Variants in SLC1A4 observed in about 807,000 individuals in gnomAD.
The protein encoded by SLC1A4 is neutral amino acid transporter A.
SLC1A4 carries 19 observed loss-of-function variants against 37.7 expected under a neutral mutation model. The ratio of observed to expected loss-of-function variants is 0.50; its 90% CI spans 0.35 to 0.74. The LOEUF (loss-of-function observed/expected upper bound fraction) is 0.74, where lower values mean the gene tolerates loss of function less well. Among genes scored for constraint, SLC1A4 ranks in the 30% least tolerant of loss-of-function variants. SLC1A4 has a pLI of 0.01. For synonymous variants in SLC1A4, 299 were observed against 309.8 expected, an observed-to-expected ratio of 0.97 and a Z score of 0.37; for missense variants, 570 against 712.9, an observed-to-expected ratio of 0.80 and a Z score of 2.28.
In SLC1A4 at chr2:65,022,685, A is replaced by T. The variant is rs570983285; in HGVS notation, c.*1539A>T. On this transcript the variant is annotated 3_prime_UTR_variant, in exon 8 of 8. Coordinates refer to ENST00000234256, the MANE Select transcript of SLC1A4 (RefSeq NM_003038.5). ...TGTGTGTAGTTACTTGACAGCATCA[A>T]ATGCCGCCTCTTCCTAATGTCCTTC... The T allele has an allele frequency of 1.8e-4, 28 of 152,260 alleles. No individual in the cohort carries two copies. The highest frequency in any genetic ancestry group is 6.7e-4 in the African/African-American group (28 of 41,514). 9.4% of individuals were successfully genotyped at this position (152,260 alleles called of 1,614,324 possible). A position where few individuals can be genotyped will look rare whatever the true frequency, so the allele number is the denominator to read the frequency against.
intron 1 of SLC1A4, among the ~76,000 whole-genome samples, chr2:64,996,551 C>G (rs995948978): frequency 3.3e-5 from 5 of 152,188 alleles, no homozygotes; most frequent in Non-Finnish European, 7.3e-5. Flanking sequence ...TTTCAGTACT[C>G]TACATCTGGG....
intron 1 of SLC1A4, among the ~76,000 whole-genome samples, chr2:64,991,747 C>T (rs957410244): frequency 2.6e-5 from 4 of 152,112 alleles, no homozygotes; most frequent in Non-Finnish European, 5.9e-5. Flanking sequence ...ATTACAGGCG[C>T]GTGCCACCAC....
At chr2:65,019,593 A>G (rs10197339) in intron 7 of SLC1A4, among the ~76,000 whole-genome samples, 30,482 of 152,210 alleles carry the variant, frequency 0.2, 4,265 homozygotes, top group African/African-American at 0.4. Flanking sequence ...CACTGGGCTC[A>G]CGGACTGGCC....
At chr2:64,995,902 G>GA (rs1298541979) in intron 1 of SLC1A4, among the ~76,000 whole-genome samples, 2 of 152,222 alleles carry the variant, frequency 1.3e-5, no homozygotes, top group Non-Finnish European at 2.9e-5. Flanking sequence ...AGATGTTACA[G>GA]AACGTTTTTG....
At position 65,023,189 on chromosome 2, in the gene SLC1A4, G is replaced by A. The variant is rs1674495501; in HGVS notation, c.*2043G>A. ...TGCTGATACTCTTCTGTTTTCAAGGGAAACAATCACATTGTTTGATTCCAA... is the reference window on the plus strand; with the variant it reads ...TGCTGATACTCTTCTGTTTTCAAGGAAAACAATCACATTGTTTGATTCCAA... On this transcript the variant is annotated 3_prime_UTR_variant, in exon 8 of 8. Transcript: ENST00000234256. 6.6e-6 allele frequency: 1 copy of A among 152,228 alleles called. No individual in the cohort carries two copies. Among genetic ancestry groups the A allele is most frequent in the African/African-American group, 2.4e-5 (1 of 41,460 alleles). The allele number at this position is 152,228 out of a possible 1,614,324, so 9.4% of individuals were successfully genotyped here. A position where few individuals can be genotyped will look rare whatever the true frequency, so the allele number is the denominator to read the frequency against.
chr2:65,017,745 T>C (rs1674213067), intron 5 of SLC1A4, among the ~76,000 whole-genome samples: 1 of 152,198 alleles, frequency 6.6e-6, no homozygotes. Context: ...GAGATGCACA[T>C]GTAGAGAAAC....
intron 3 of SLC1A4, among the ~76,000 whole-genome samples, chr2:65,007,321 G>T (rs950124543): frequency 6.6e-6 from 1 of 152,068 alleles, no homozygotes; most frequent in Non-Finnish European, 1.5e-5. Flanking sequence ...TAGCAGGGTG[G>T]CCAGGGAGGT....
intron 3 of SLC1A4, among the ~76,000 whole-genome samples, chr2:65,005,524 T>A (rs1378530930): frequency 6.6e-6 from 1 of 152,212 alleles, no homozygotes; most frequent in Non-Finnish European, 1.5e-5. Flanking sequence ...CTAGGCCTGC[T>A]TTCCAGGTAA....
chr2:65,002,384 A>G (rs1300647996), intron 2 of SLC1A4, among the ~76,000 whole-genome samples: 2 of 151,578 alleles, frequency 1.3e-5, no homozygotes, highest in Non-Finnish European at 2.9e-5. Flanking sequence ...TTTTTAAGGC[A>G]GTATATTGTG....
chr2:65,021,224 C>G lies in SLC1A4; in HGVS notation c.*78C>G. On this transcript the variant is annotated 3_prime_UTR_variant, in exon 8 of 8. Transcript: ENST00000234256. ...CCAGCCGCCAGTCATGGACACAGGG[C>G]ACTGCCCTTGCCAACTTTTACCCTC... 8.2e-7 allele frequency: 1 copy of G among 1,218,544 alleles called. No homozygotes were observed. Among genetic ancestry groups the G allele is most frequent in the Admixed American group, 2.1e-5 (1 of 48,286 alleles). 75.5% of individuals were successfully genotyped at this position (1,218,544 alleles called of 1,614,324 possible).
intron 3 of SLC1A4, among the ~76,000 whole-genome samples, chr2:65,009,309 G>T (rs997339287): frequency 4.6e-5 from 7 of 152,004 alleles, no homozygotes; most frequent in Non-Finnish European, 1.0e-4. Context: ...GGAGGTGGAG[G>T]TTGTGGTGAG....
intron 1 of SLC1A4, among the ~76,000 whole-genome samples, chr2:64,999,069 C>T (rs942497355): frequency 6.6e-6 from 1 of 152,110 alleles, no homozygotes; most frequent in Non-Finnish European, 1.5e-5. Flanking sequence ...CAAAGGTAGT[C>T]CCCAAGACTA....
chr2:65,018,800 C>A lies in SLC1A4; in HGVS notation c.1364+121C>A. The stretch of plus-strand genomic sequence containing the variant: ...ACACACTCCAGCCTTGTGAAGGAGG[C>A]TACAGTGGAGCTAAAAGGGCAAGAT... On this transcript the variant is annotated intron_variant, in intron 7 of 7. Transcript: ENST00000234256. The surrounding 1 kb of genome is among the most constrained non-coding windows in gnomAD (Gnocchi z 4.3). 1 of 1,193,092 alleles carries A rather than the reference C, an allele frequency of 8.4e-7. No individual in the cohort carries two copies. The highest frequency in any genetic ancestry group is 1.2e-6 in the Non-Finnish European group (1 of 850,650). The allele number at this position is 1,193,092 out of a possible 1,614,324, so 73.9% of individuals were successfully genotyped here.
Position 64,989,407 on chromosome 2 carries a change from C to A in SLC1A4, c.-237C>A. 1 of 376,298 alleles carries A rather than the reference C, an allele frequency of 2.7e-6. No individual in the cohort carries two copies. Among genetic ancestry groups the A allele is most frequent in the Non-Finnish European group, 4.7e-6 (1 of 212,670 alleles). 23.3% of individuals were successfully genotyped at this position (376,298 alleles called of 1,614,324 possible). On this transcript the variant is annotated 5_prime_UTR_variant, in exon 1 of 8. Coordinates refer to ENST00000234256, the MANE Select transcript of SLC1A4 (RefSeq NM_003038.5). Reference sequence around the variant, plus strand: ...CGGCTCCCGTTTGCATCATCTCCAGCCGGCGGCTGCTCCAGGGAGGCTGGG... The same window carrying A: ...CGGCTCCCGTTTGCATCATCTCCAGACGGCGGCTGCTCCAGGGAGGCTGGG...
At chr2:65,006,555 T>C (rs981069291) in intron 3 of SLC1A4, among the ~76,000 whole-genome samples, 5 of 152,076 alleles carry the variant, frequency 3.3e-5, no homozygotes, top group Admixed American at 2.0e-4. Context: ...GGTTCCAGGC[T>C]TTCCTAAACC....
At chr2:65,016,874 G>C (rs373304821) in intron 5 of SLC1A4, among the ~76,000 whole-genome samples, 1 of 152,176 alleles carries the variant, frequency 6.6e-6, no homozygotes, top group Non-Finnish European at 1.5e-5. Context: ...TCGAACTCCT[G>C]GGCTCAAGTG....
At chr2:65,006,267 A>T (rs886978562) in intron 3 of SLC1A4, among the ~76,000 whole-genome samples, 2 of 152,046 alleles carry the variant, frequency 1.3e-5, no homozygotes, top group Non-Finnish European at 2.9e-5. Flanking sequence ...CAAGGCAGGC[A>T]GATCACCTGA....
chr2:65,018,511 T>C lies in SLC1A4; in HGVS notation c.1230-34T>C. ...TTCTCTGTGTCCACTCCACGCTCTA[T>C]GTTAATGGCTGGCCCTGCTCTGCCA... On this transcript the variant is annotated intron_variant, in intron 6 of 7. Coordinates refer to ENST00000234256, the MANE Select transcript of SLC1A4 (RefSeq NM_003038.5). This position sits in a 1 kb window ranked among gnomAD's most constrained non-coding sequence, Gnocchi z 4.3. The C allele has an allele frequency of 1.9e-6, 3 of 1,612,058 alleles. No individual in the cohort carries two copies. Among genetic ancestry groups the C allele is most frequent in the Non-Finnish European group, 1.7e-6 (2 of 1,179,012 alleles).
rs1672987294 is a variant in SLC1A4 at position 64,989,974 on chromosome 2, G to A, written c.331G>A (p.Gly111Arg). 2 of 1,582,318 alleles carry A rather than the reference G, an allele frequency of 1.3e-6. No homozygotes were observed. Among genetic ancestry groups the A allele is most frequent in the Admixed American group, 1.8e-5 (1 of 55,962 alleles). ...GAASLDASCL[G>R]RLGGIAVAYF... ...CGCCTCGCTCGATGCCAGCTGCCTC[G>A]GGCGTCTGGGCGGCATCGCTGTCGC... The change falls in exon 1 of 8, where the codon GGG becomes AGG. Residue 111 changes from glycine (G) to arginine (R), a missense_variant. Coordinates refer to ENST00000234256, the MANE Select transcript of SLC1A4 (RefSeq NM_003038.5).
Sources: gnomAD v4.1 joint callset for allele counts (sites outside exome capture counted in the v4.1 genomes callset) on GRCh38, gnomAD v4.1.1 for gene constraint, Gnocchi (gnomAD v3.1) non-coding constraint, MANE v1.5 for transcripts, NCBI Gene and HGNC (gene_info 2026-07-23, HGNC 2026-07-21) for gene names.